The following ANKDD1A variants were observed in gnomAD, a reference collection of about 807,000 sequenced individuals.
ANKDD1A encodes the protein ankyrin repeat and death domain-containing protein 1A.
A neutral mutation model predicts 63.5 loss-of-function variants in ANKDD1A; 59 were observed. That is an observed-to-expected ratio of 0.93 (90% confidence interval 0.75 to 1.15). The LOEUF (loss-of-function observed/expected upper bound fraction) is 1.15, where lower values mean the gene tolerates loss of function less well. ANKDD1A is among the 50% of genes most tolerant of loss of function. The pLI is 0.00. For missense variants in ANKDD1A, 632 were observed against 656.4 expected, an observed-to-expected ratio of 0.96 and a Z score of 0.41; for synonymous variants, 266 against 263.9, an observed-to-expected ratio of 1.01 and a Z score of -0.08.
intron 9 of ANKDD1A, among the ~76,000 whole-genome samples, chr15:64,934,564 A>G (rs958298539): frequency 6.8e-6 from 1 of 147,392 alleles, no homozygotes; most frequent in African/African-American, 2.5e-5. Flanking sequence ...CAGTGTTGCA[A>G]TCTCGGCTCA....
chr15:64,927,996 T>C (rs2085060609), intron 6 of ANKDD1A, among the ~76,000 whole-genome samples: 1 of 152,026 alleles, frequency 6.6e-6, no homozygotes, highest in Non-Finnish European at 1.5e-5. Context: ...ATAGAGGGAG[T>C]TCTGTGTAAA....
chr15:64,938,505 C>T (rs2085153625), intron 9 of ANKDD1A, among the ~76,000 whole-genome samples: 1 of 152,072 alleles, frequency 6.6e-6, no homozygotes, highest in South Asian at 2.1e-4. Flanking sequence ...AGACATTCTA[C>T]GAAATACTTG....
chr15:64,927,163 C>T (rs1204088497), intron 6 of ANKDD1A, among the ~76,000 whole-genome samples, 164 bp downstream of exon 6: 1 of 152,260 alleles, frequency 6.6e-6, no homozygotes, highest in Non-Finnish European at 1.5e-5. Flanking sequence ...GGCCCTTCAC[C>T]AGCGTGTGCT....
At chr15:64,917,536 T>G (rs909777928) in intron 3 of ANKDD1A, 22 bp downstream of exon 3, 3 of 1,550,510 alleles carry the variant, frequency 1.9e-6, no homozygotes, top group Non-Finnish European at 2.6e-6. Flanking sequence ...TCTGTCTGTC[T>G]GTCTCAGGGT....
At chr15:64,946,489 G>C (rs562106114) in intron 12 of ANKDD1A, among the ~76,000 whole-genome samples, 1 of 152,212 alleles carries the variant, frequency 6.6e-6, no homozygotes, top group East Asian at 1.9e-4. Context: ...TAATACTGAG[G>C]GTTGGACTAG....
In ANKDD1A at chr15:64,947,436, G is replaced by C. The variant is rs375342536; in HGVS notation, c.1194G>C (p.Leu398Phe). The C allele has an allele frequency of 1.9e-6, 3 of 1,613,958 alleles. No individual in the cohort carries two copies. The African/African-American group carries it at 4.0e-5, about 22-fold the overall frequency. The change falls in exon 13 of 15, where the codon TTG (leucine) becomes TTC (phenylalanine). Residue 398 changes from leucine (L) to phenylalanine (F), a missense_variant. Leu to Phe is a conservative substitution (Grantham distance 22). Coordinates refer to ENST00000319580, the MANE Select transcript of ANKDD1A (RefSeq NM_182703.6). ...CCAGTGATCCCTCTGGGAAGAGCTT[G>C]TCCTTTAAGCAGGACCATCGGCAGG... ...DHPSDPSGKS[L>F]SFKQDHRQET...
chr15:64,946,464 A>G (rs867684948), intron 12 of ANKDD1A, among the ~76,000 whole-genome samples: 8 of 152,204 alleles, frequency 5.3e-5, no homozygotes, highest in Non-Finnish European at 1.0e-4. Context: ...ATTCCTAAAT[A>G]TAATCCCAAA....
chr15:64,943,627 C>T (rs1486426073), intron 11 of ANKDD1A, 45 bp downstream of exon 11: 5 of 1,586,314 alleles, frequency 3.2e-6, no homozygotes, highest in Non-Finnish European at 4.3e-6. Flanking sequence ...TTCATGGCTC[C>T]CCCCTTGCCA....
At chr15:64,923,657 C>T (rs1170246066) in intron 4 of ANKDD1A, among the ~76,000 whole-genome samples, 2 of 152,112 alleles carry the variant, frequency 1.3e-5, no homozygotes, top group East Asian at 1.9e-4. Flanking sequence ...GAACCATGCC[C>T]CTATGTGGTG....
chr15:64,923,848 A>G (rs1267761669), intron 4 of ANKDD1A, among the ~76,000 whole-genome samples: 2 of 152,150 alleles, frequency 1.3e-5, no homozygotes, highest in African/African-American at 4.8e-5. Context: ...TATACTATAA[A>G]CAGAGTTGTG....
intron 11 of ANKDD1A, 38 bp downstream of exon 11, chr15:64,943,620 A>T: frequency 6.3e-7 from 1 of 1,598,224 alleles, no homozygotes; most frequent in Non-Finnish European, 8.6e-7. Flanking sequence ...TCAGGCTTTC[A>T]TGGCTCCCCC....
At chr15:64,926,686 C>G (rs1217557949) in intron 5 of ANKDD1A, among the ~76,000 whole-genome samples, 1 of 152,124 alleles carries the variant, frequency 6.6e-6, no homozygotes. Flanking sequence ...CTCAGGACTT[C>G]AGCCAGGGAG....
intron 3 of ANKDD1A, among the ~76,000 whole-genome samples, chr15:64,919,248 C>G (rs1383917286): frequency 6.6e-6 from 1 of 152,138 alleles, no homozygotes; most frequent in African/African-American, 2.4e-5. Context: ...CAGTCCTGAG[C>G]CTTCACCCTT....
intron 12 of ANKDD1A, among the ~76,000 whole-genome samples, chr15:64,946,183 A>C (rs2085221263): frequency 6.6e-6 from 1 of 152,220 alleles, no homozygotes; most frequent in Non-Finnish European, 1.5e-5. Flanking sequence ...AATAAACTTA[A>C]TATAACAGAT....
intron 9 of ANKDD1A, among the ~76,000 whole-genome samples, chr15:64,935,632 A>G (rs1026440783): frequency 2.0e-5 from 3 of 151,426 alleles, no homozygotes; most frequent in East Asian, 1.9e-4. Context: ...CCGAGATCGC[A>G]CCACTGCACT....
rs1158365808 is a variant in ANKDD1A at position 64,924,332 on chromosome 15, T to G, written c.367-1734T>G. ...TAGAGGCCAAGGCTGGAAAGCCACG[T>G]GGTATCACCTCCATTGCATTCAAAA... On this transcript the variant is annotated intron_variant, in intron 4 of 14. Coordinates refer to ENST00000319580, the MANE Select transcript of ANKDD1A (RefSeq NM_182703.6). Among the ~76,000 whole-genome samples the G allele has an allele frequency of 3.3e-5, 5 of 152,224 alleles. No homozygotes were observed. The East Asian group carries it at 9.6e-4, about 29-fold the overall frequency.
Position 64,921,956 on chromosome 15 carries a change from C to T in ANKDD1A, c.303C>T (p.Phe101=), listed in dbSNP as rs764178898. ...ATGCGCTTCTCCTGTCTGCCTGGTT[C>T]GGCCACTTACGAATCCTCCAGATCT... ...GMNALLLSAW[F]GHLRILQILV... is the part of the protein sequence containing the mutation. The change falls in exon 4 of 15, where the codon TTC becomes TTT. Residue 101 remains phenylalanine, a synonymous_variant. Coordinates refer to ENST00000319580, the MANE Select transcript of ANKDD1A (RefSeq NM_182703.6). The T allele has an allele frequency of 2.5e-5, 40 of 1,614,056 alleles. No homozygotes were observed. The highest frequency in any genetic ancestry group is 8.9e-5 in the East Asian group (4 of 44,892).
At position 64,945,569 on chromosome 15, in the gene ANKDD1A, G is replaced by C. The variant is rs1595855779; in HGVS notation, c.1161+822G>C. Among the ~76,000 whole-genome samples the C allele has an allele frequency of 2.9e-5, 4 of 138,722 alleles. No individual in the cohort carries two copies. The South Asian group carries it at 8.8e-4, about 31-fold the overall frequency. The allele number at this position is 138,722 out of a possible 152,430, so 91.0% of individuals were successfully genotyped here. On this transcript the variant is annotated intron_variant, in intron 12 of 14. Transcript: ENST00000319580. ...GTAAGGTAGGCTAAGCTAAACTATT[G>C]ATGGTGTGTAGGTTAGAGGGATTAA...
intron 14 of ANKDD1A, among the ~76,000 whole-genome samples, chr15:64,951,699 C>A (rs1595858553): frequency 1.3e-4 from 1 of 7,546 alleles, no homozygotes; most frequent in Non-Finnish European, 4.5e-4. Flanking sequence ...TCCTCTTCTT[C>A]TTCCTTATTT....
Sources: gnomAD v4.1 joint callset for allele counts (sites outside exome capture counted in the v4.1 genomes callset) on GRCh38, gnomAD v4.1.1 for gene constraint, MANE v1.5 for transcripts, NCBI Gene and HGNC (gene_info 2026-07-23, HGNC 2026-07-21) for gene names.